Variants in ZNF33A observed in about 807,000 individuals in gnomAD.
ZNF33A encodes zinc finger protein 33A, also known as brain my041 protein.
A neutral mutation model predicts 15.9 loss-of-function variants in ZNF33A; 9 were observed. The observed-to-expected ratio is 0.57, with a 90% CI of 0.34 to 0.99. ZNF33A has a LOEUF of 0.99. ZNF33A is among the 50% of genes least tolerant of loss of function. The pLI is 0.02. For missense variants in ZNF33A, 843 were observed against 941.6 expected, an observed-to-expected ratio of 0.90 and a Z score of 1.37; for synonymous variants, 294 against 324.2, an observed-to-expected ratio of 0.91 and a Z score of 1.00.
At chr10:38,034,236 T>C (rs544371455) in intron 4 of ZNF33A, among the ~76,000 whole-genome samples, 25 of 152,334 alleles carry the variant, frequency 1.6e-4, no homozygotes, top group Middle Eastern at 3.4e-3. Context: ...TATTTTTATT[T>C]AGCACCTGCT....
rs1356987259 is a variant in ZNF33A, at chr10:38,017,358, G to T, written c.222G>T (p.Glu74Asp). ...LQQGEEPWKQ[E>D]EEFPSQSFPE... The stretch of plus-strand genomic sequence containing the variant: ...AAGGAGAAGAGCCATGGAAACAGGA[G>T]GAAGAATTCCCAAGCCAAAGCTTTC... Residue 74 changes from glutamate to aspartate, a missense_variant, in exon 4 of 5, where the codon GAG (glutamate) becomes GAT (aspartate). Transcript: ENST00000432900. 1 of 1,613,886 alleles carries T rather than the reference G, an allele frequency of 6.2e-7. No individual in the cohort carries two copies. The highest frequency in any genetic ancestry group is 8.5e-7 in the Non-Finnish European group (1 of 1,179,918).
chr10:38,022,462 C>A (rs1475630070), intron 4 of ZNF33A, among the ~76,000 whole-genome samples: 3 of 151,802 alleles, frequency 2.0e-5, no homozygotes, highest in African/African-American at 7.3e-5. Context: ...TTCGTGACCA[C>A]CCTGGCCAAC....
intron 4 of ZNF33A, among the ~76,000 whole-genome samples, chr10:38,033,852 A>G (rs1460220784): frequency 6.6e-6 from 1 of 151,826 alleles, no homozygotes; most frequent in East Asian, 1.9e-4. Flanking sequence ...AGCTGGGATT[A>G]CAGGTGCCCA....
chr10:38,046,751 A>G (rs966062276), intron 4 of ZNF33A, among the ~76,000 whole-genome samples: 4 of 152,230 alleles, frequency 2.6e-5, no homozygotes, highest in African/African-American at 9.6e-5. Context: ...AAATAGTATT[A>G]TAATTGGATT....
At chr10:38,021,334 CTGAT>C (rs931776925) in intron 4 of ZNF33A, among the ~76,000 whole-genome samples, 3 of 151,756 alleles carry the variant, frequency 2.0e-5, no homozygotes, top group African/African-American at 7.3e-5. Context: ...CAAAACAAAA[CTGAT>C]TGAGCTGAAA....
At chr10:38,063,562 TAC>T (rs2066680854), downstream of ZNF33A, among the ~76,000 whole-genome samples, 1 of 152,234 alleles carries the variant, frequency 6.6e-6, no homozygotes, top group African/African-American at 2.4e-5. Flanking sequence ...GTTCTCTGTC[TAC>T]ATGTTTAAAG....
At chr10:38,033,880 T>C (rs2065326153) in intron 4 of ZNF33A, among the ~76,000 whole-genome samples, 1 of 151,936 alleles carries the variant, frequency 6.6e-6, no homozygotes, top group African/African-American at 2.4e-5. Flanking sequence ...GCCAGGCTAA[T>C]TTTTGTATTT....
In ZNF33A at chr10:38,054,933, C is replaced by G. The variant is rs2066392293; in HGVS notation, c.809C>G (p.Ser270Ter). Residue 270 changes from serine to a stop codon, truncating the protein, a stop_gained, in exon 5 of 5, where the codon TCA (serine) becomes TGA (stop). Coordinates refer to ENST00000432900, the MANE Select transcript of ZNF33A (RefSeq NM_006954.2). LOFTEE classifies it low-confidence loss of function (END_TRUNC). ...CTCTTGTTCCATCAGATATCTCCGTCAAGGGACAATCACTATGAATTTAGT... is the reference window on the plus strand; with the variant it reads ...CTCTTGTTCCATCAGATATCTCCGTGAAGGGACAATCACTATGAATTTAGT... ...SSLLFHQISPSRDNHYEFSDC... is the reference protein window; with the variant it reads ...SSLLFHQISP 6.2e-7 allele frequency: 1 copy of G among 1,613,968 alleles called. No individual in the cohort carries two copies. The highest frequency in any genetic ancestry group is 8.5e-7 in the Non-Finnish European group (1 of 1,179,986).
At position 38,056,319 on chromosome 10, in the gene ZNF33A, G is replaced by A. The variant is rs141947097; in HGVS notation, c.2195G>A (p.Arg732His). The change falls in exon 5 of 5, where the codon CGT becomes CAT. Residue 732 changes from arginine to histidine, a missense_variant. Coordinates refer to ENST00000432900, the MANE Select transcript of ZNF33A (RefSeq NM_006954.2). Reference sequence around the variant, plus strand: ...AATGAATGTGGAAAAATCTTTTACCGTAAATCGGAACTTGCTCAACATCAG... The same window carrying A: ...AATGAATGTGGAAAAATCTTTTACCATAAATCGGAACTTGCTCAACATCAG... ...QCNECGKIFY[R>H]KSELAQHQRS... 17 of 1,613,910 alleles carry A rather than the reference G, an allele frequency of 1.1e-5. No individual in the cohort carries two copies. Among genetic ancestry groups the A allele is most frequent in the South Asian group, 5.5e-5 (5 of 91,082 alleles).
downstream of ZNF33A, among the ~76,000 whole-genome samples, chr10:38,067,042 G>A (rs555401043): frequency 4.9e-4 from 74 of 152,316 alleles, 3 homozygotes; most frequent in South Asian, 0.014. Flanking sequence ...AGCATTCTGA[G>A]CATTCTGTAA....
chr10:38,013,313 G>A (rs1045241435), intron 2 of ZNF33A, among the ~76,000 whole-genome samples: 21 of 151,894 alleles, frequency 1.4e-4, no homozygotes, highest in Non-Finnish European at 2.9e-5. Flanking sequence ...GTTTTACCGT[G>A]TTGGCCAGGA....
At chr10:38,025,099 A>G (rs1337442119) in intron 4 of ZNF33A, among the ~76,000 whole-genome samples, 1 of 152,250 alleles carries the variant, frequency 6.6e-6, no homozygotes, top group Non-Finnish European at 1.5e-5. Context: ...ATATTTAGGA[A>G]AAAACATAGT....
chr10:38,029,007 A>G (rs1397839801), intron 4 of ZNF33A, among the ~76,000 whole-genome samples: 1 of 152,146 alleles, frequency 6.6e-6, no homozygotes, highest in Non-Finnish European at 1.5e-5. Context: ...GTCTTTATAC[A>G]TTGTGTACCG....
In ZNF33A at chr10:38,054,631, A is replaced by G; in HGVS notation, c.507A>G (p.Glu169=). The G allele has an allele frequency of 6.2e-7, 1 of 1,612,846 alleles. No homozygotes were observed. The highest frequency in any genetic ancestry group is 1.1e-5 in the South Asian group (1 of 90,598). The part of the protein sequence containing the change: ...KINYLGKKSD[E]FNACGKLLLN... ...ACTATTTAGGAAAAAAGTCTGATGAATTTAATGCCTGTGGGAAATTGTTAC... is the reference window on the plus strand; with the variant it reads ...ACTATTTAGGAAAAAAGTCTGATGAGTTTAATGCCTGTGGGAAATTGTTAC... Residue 169 remains glutamate, a synonymous_variant, in exon 5 of 5, where the codon GAA becomes GAG. Coordinates refer to ENST00000432900, the MANE Select transcript of ZNF33A (RefSeq NM_006954.2).
chr10:38,062,355 A>G (rs2066664833), downstream of ZNF33A, among the ~76,000 whole-genome samples: 1 of 152,208 alleles, frequency 6.6e-6, no homozygotes, highest in African/African-American at 2.4e-5. Context: ...GACGAAGACA[A>G]AATGTCTCTT....
chr10:38,016,636 A>G (rs1178594943), intron 2 of ZNF33A, among the ~76,000 whole-genome samples: 1 of 152,196 alleles, frequency 6.6e-6, no homozygotes, highest in Admixed American at 6.6e-5. Context: ...TGAACACAGG[A>G]AGATTTTTAT....
chr10:38,060,030 A>G lies in ZNF33A; in HGVS notation c.*3470A>G, dbSNP rs2066634942. The G allele has an allele frequency of 1.1e-5, 11 of 984,816 alleles. No individual in the cohort carries two copies. The highest frequency in any genetic ancestry group is 1.2e-5 in the Non-Finnish European group (10 of 829,358). 61.0% of individuals were successfully genotyped at this position (984,816 alleles called of 1,614,324 possible). On this transcript the variant is annotated 3_prime_UTR_variant, in exon 5 of 5. Transcript: ENST00000432900. The stretch of plus-strand genomic sequence containing the variant: ...GCTACTCTAAAAAATGAAGTGTATC[A>G]AGTAAATAAATAACCAACCAACCAA...
At chr10:38,024,541 C>T (rs1247944592) in intron 4 of ZNF33A, among the ~76,000 whole-genome samples, 2 of 152,078 alleles carry the variant, frequency 1.3e-5, no homozygotes, top group Non-Finnish European at 2.9e-5. Context: ...TTTTTCTCAG[C>T]TTTAAATAAA....
rs956170605 is a variant in ZNF33A at position 38,056,631 on chromosome 10, T to A, written c.*71T>A. 1 of 1,485,522 alleles carries A rather than the reference T, an allele frequency of 6.7e-7. No individual in the cohort carries two copies. Among genetic ancestry groups the A allele is most frequent in the African/African-American group, 1.4e-5 (1 of 71,418 alleles). 92.0% of individuals were successfully genotyped at this position (1,485,522 alleles called of 1,614,324 possible). On this transcript the variant is annotated 3_prime_UTR_variant, in exon 5 of 5. Transcript: ENST00000432900. ...ATAAACCCATAGACTACAACAATTA[T>A]AGGACAGCTTTTGTTAGGAAGTGAT...
Sources: gnomAD v4.1 joint callset for allele counts (sites outside exome capture counted in the v4.1 genomes callset) on GRCh38, gnomAD v4.1.1 for gene constraint, MANE v1.5 for transcripts, NCBI Gene and HGNC (gene_info 2026-07-23, HGNC 2026-07-21) for gene names.